Variants in PEX26 observed in about 807,000 individuals in gnomAD.
PEX26 encodes peroxisomal biogenesis factor 26.
PEX26 carries 18 observed loss-of-function variants against 31.4 expected under a neutral mutation model. That is an observed-to-expected ratio of 0.57 (90% CI 0.40 to 0.85). The LOEUF (loss-of-function observed/expected upper bound fraction) is 0.85. Ranked by LOEUF, PEX26 falls within the 40% of genes least tolerant of loss-of-function variation. PEX26 has a pLI of 0.00. For synonymous variants in PEX26, 176 were observed against 166.9 expected, an observed-to-expected ratio of 1.05 and a Z score of -0.42; for missense variants, 377 against 383.9, an observed-to-expected ratio of 0.98 and a Z score of 0.15.
In PEX26 at chr22:18,092,555, A is replaced by C. The variant is rs907718848; in HGVS notation, c.*4480A>C. 4 of 152,240 alleles carry C rather than the reference A, an allele frequency of 2.6e-5. No homozygotes were observed. Among genetic ancestry groups the C allele is most frequent in the African/African-American group, 9.6e-5 (4 of 41,474 alleles). The allele number at this position is 152,240 out of a possible 1,614,324, so 9.4% of individuals were successfully genotyped here. On this transcript the variant is annotated 3_prime_UTR_variant, in exon 5 of 5. Coordinates refer to ENST00000399744, the MANE Select transcript of PEX26 (RefSeq NM_001127649.3). ...TTTTAGAAAATATTAATTGCATAGA[A>C]GGAAATACAGGACTCGTGATCCCAC...
rs900234178 is a variant in PEX26 at position 18,098,315 on chromosome 22, A to G, written c.*10240A>G. ...ACTAATTTGCCCTATAACTTTGCAT[A>G]AGTCATTTAATCTCGGGTCCAATTT... On this transcript the variant is annotated 3_prime_UTR_variant, in exon 5 of 5. Transcript: ENST00000399744. 1 of 152,116 alleles carries G rather than the reference A, an allele frequency of 6.6e-6. No individual in the cohort carries two copies. The highest frequency in any genetic ancestry group is 1.5e-5 in the Non-Finnish European group (1 of 68,034). The allele number at this position is 152,116 out of a possible 1,614,324, so 9.4% of individuals were successfully genotyped here.
At chr22:18,080,399 T>C (rs946443477) in intron 2 of PEX26, among the ~76,000 whole-genome samples, 3 of 152,206 alleles carry the variant, frequency 2.0e-5, no homozygotes, top group Admixed American at 2.0e-4. Context: ...GCACAGTCTC[T>C]GCTCACTGCA....
Position 18,078,002 on chromosome 22 carries a change from G to A in PEX26, c.-375G>A, listed in dbSNP as rs752393777. ...CCGCCGGGACGCCGCGCGGCTGCGGGGCTGGGCGAGCGCAAAGATGTCCGC... is the reference window on the plus strand; with the variant it reads ...CCGCCGGGACGCCGCGCGGCTGCGGAGCTGGGCGAGCGCAAAGATGTCCGC... On this transcript the variant is annotated 5_prime_UTR_variant, in exon 1 of 5. Coordinates refer to ENST00000399744, the MANE Select transcript of PEX26 (RefSeq NM_001127649.3). 19 of 448,618 alleles carry A rather than the reference G, an allele frequency of 4.2e-5. No individual in the cohort carries two copies. The highest frequency in any genetic ancestry group is 7.9e-5 in the Non-Finnish European group (18 of 228,420). The allele number at this position is 448,618 out of a possible 1,614,324, so 27.8% of individuals were successfully genotyped here.
Position 18,081,243 on chromosome 22 carries a change from T to TACACACAC in PEX26, c.371+1230_371+1231insCACACACA, listed in dbSNP as rs1221829469. Among the ~76,000 whole-genome samples, 374 of 62,422 alleles carry TACACACAC rather than the reference T, an allele frequency of 6.0e-3. 2 individuals are homozygous for TACACACAC. Among genetic ancestry groups the TACACACAC allele is most frequent in the South Asian group, 0.016 (21 of 1,308 alleles). The allele number at this position is 62,422 out of a possible 152,430, so 41.0% of individuals were successfully genotyped here. ...CACATAATATACATATATGTACACA[T>TACACACAC]ATACACACACACACACACACACACA... On this transcript the variant is annotated intron_variant, in intron 2 of 4. Transcript: ENST00000399744.
intron 2 of PEX26, among the ~76,000 whole-genome samples, chr22:18,082,178 A>C (rs1452257913): frequency 3.4e-5 from 5 of 146,668 alleles, no homozygotes. Flanking sequence ...CTTCACTCTT[A>C]ATTGCTTCCT....
chr22:18,084,089 C>T (rs567064922), intron 3 of PEX26, among the ~76,000 whole-genome samples: 1 of 152,348 alleles, frequency 6.6e-6, no homozygotes, highest in South Asian at 2.1e-4. Context: ...ACAGACACAG[C>T]TGAGATCTGC....
In PEX26 at chr22:18,089,490, A is replaced by C. The variant is rs1246249496; in HGVS notation, c.*1415A>C. On this transcript the variant is annotated 3_prime_UTR_variant, in exon 5 of 5. Transcript: ENST00000399744. ...TCTCACCAGCCACAAGCATCTTATG[A>C]GTTTCTGTGCAAGGAAGCGTAGAGC... is the stretch of plus-strand genomic sequence containing the variant. 6.6e-6 allele frequency: 1 copy of C among 152,316 alleles called. No homozygotes were observed. Among genetic ancestry groups the C allele is most frequent in the Non-Finnish European group, 1.5e-5 (1 of 68,088 alleles). The allele number at this position is 152,316 out of a possible 1,614,324, so 9.4% of individuals were successfully genotyped here.
intron 2 of PEX26, among the ~76,000 whole-genome samples, chr22:18,080,322 T>TTTTGC (rs1478399162): frequency 2.6e-5 from 4 of 151,692 alleles, no homozygotes; most frequent in African/African-American, 7.3e-5. Flanking sequence ...AAAAATTTTG[T>TTTTGC]TTTGTTTTGT....
rs909510928 is a variant in PEX26 at position 18,094,524 on chromosome 22, G to A, written c.*6449G>A. 5.3e-5 allele frequency: 8 copies of A among 152,140 alleles called. No homozygotes were observed. Among genetic ancestry groups the A allele is most frequent in the African/African-American group, 1.9e-4 (8 of 41,422 alleles). The allele number at this position is 152,140 out of a possible 1,614,324, so 9.4% of individuals were successfully genotyped here. On this transcript the variant is annotated 3_prime_UTR_variant, in exon 5 of 5. Coordinates refer to ENST00000399744, the MANE Select transcript of PEX26 (RefSeq NM_001127649.3). ...GAGAGAAAAAAGCTTCTTTAATGAC[G>A]ACCTCAACATAATTTACATGGAGAA...
chr22:18,084,611 C>T (rs1283102497), intron 3 of PEX26, among the ~76,000 whole-genome samples: 1 of 151,828 alleles, frequency 6.6e-6, no homozygotes, highest in Non-Finnish European at 1.5e-5. Context: ...AATATATAGT[C>T]AAAATAAGTA....
Position 18,088,120 on chromosome 22 carries a change from C to A in PEX26, c.*45C>A. The A allele has an allele frequency of 7.6e-7, 1 of 1,308,504 alleles. No homozygotes were observed. The highest frequency in any genetic ancestry group is 1.1e-6 in the Non-Finnish European group (1 of 905,702). The allele number at this position is 1,308,504 out of a possible 1,614,324, so 81.1% of individuals were successfully genotyped here. A position where few individuals can be genotyped will look rare whatever the true frequency, so the allele number is the denominator to read the frequency against. ...CCTCTCTGCTCCTCACGTCCGTGGCCACAGAAGCAGAGCGACAGAGCGACA... is the reference window on the plus strand; with the variant it reads ...CCTCTCTGCTCCTCACGTCCGTGGCAACAGAAGCAGAGCGACAGAGCGACA... On this transcript the variant is annotated 3_prime_UTR_variant, in exon 5 of 5. Coordinates refer to ENST00000399744, the MANE Select transcript of PEX26 (RefSeq NM_001127649.3). This position sits in a 1 kb window ranked among gnomAD's most constrained non-coding sequence, Gnocchi z 4.1.
chr22:18,103,779 A>G lies in PEX26; in HGVS notation c.*15704A>G, dbSNP rs1044054688. 2.0e-5 allele frequency: 3 copies of G among 152,568 alleles called. No individual in the cohort carries two copies. Among genetic ancestry groups the G allele is most frequent in the Admixed American group, 2.0e-4 (3 of 15,258 alleles). 9.5% of individuals were successfully genotyped at this position (152,568 alleles called of 1,614,324 possible). A position where few individuals can be genotyped will look rare whatever the true frequency, so the allele number is the denominator to read the frequency against. ...GGAGGCTTCTTGGCCCAGCCCGGTC[A>G]ACACCCACATGCACCACCACCAACT... is the stretch of plus-strand genomic sequence containing the variant. On this transcript the variant is annotated 3_prime_UTR_variant, in exon 5 of 5. Coordinates refer to ENST00000399744, the MANE Select transcript of PEX26 (RefSeq NM_001127649.3).
chr22:18,084,362 A>G (rs1926750019), intron 3 of PEX26, among the ~76,000 whole-genome samples: 1 of 150,626 alleles, frequency 6.6e-6, no homozygotes, highest in Non-Finnish European at 1.5e-5. Flanking sequence ...CTCCTGCCTC[A>G]GCCTCCTGAG....
At chr22:18,080,996 CT>C (rs1028377315) in intron 2 of PEX26, among the ~76,000 whole-genome samples, 230 of 143,642 alleles carry the variant, frequency 1.6e-3, no homozygotes, top group Admixed American at 1.9e-3. Context: ...ATGATATCAA[CT>C]TTTTTTTTTT....
At position 18,096,062 on chromosome 22, in the gene PEX26, A is replaced by C. The variant is rs1927282427; in HGVS notation, c.*7987A>C. The stretch of plus-strand genomic sequence containing the variant: ...GGTCTTGAACTCTTGACCTCAAGTG[A>C]TCTGCATGCCTCACCTCCCAAAGTG... On this transcript the variant is annotated 3_prime_UTR_variant, in exon 5 of 5. Transcript: ENST00000399744. The C allele has an allele frequency of 6.6e-6, 1 of 152,218 alleles. No individual in the cohort carries two copies. The highest frequency in any genetic ancestry group is 2.4e-5 in the African/African-American group (1 of 41,430). The allele number at this position is 152,218 out of a possible 1,614,324, so 9.4% of individuals were successfully genotyped here.
rs1927108855 is a variant in PEX26 at position 18,091,773 on chromosome 22, T to C, written c.*3698T>C. On this transcript the variant is annotated 3_prime_UTR_variant, in exon 5 of 5. Coordinates refer to ENST00000399744, the MANE Select transcript of PEX26 (RefSeq NM_001127649.3). ...GACCTGGTGCCCTTTTCCTTTTTAATATGTGGAAACCCCTCCATGCTTTCC... is the reference window on the plus strand; with the variant it reads ...GACCTGGTGCCCTTTTCCTTTTTAACATGTGGAAACCCCTCCATGCTTTCC... 2.6e-5 allele frequency: 4 copies of C among 152,240 alleles called. No individual in the cohort carries two copies. The highest frequency in any genetic ancestry group is 3.8e-4 in the East Asian group (2 of 5,200). 9.4% of individuals were successfully genotyped at this position (152,240 alleles called of 1,614,324 possible).
At position 18,095,662 on chromosome 22, in the gene PEX26, T is replaced by A. The variant is rs1271661020; in HGVS notation, c.*7587T>A. On this transcript the variant is annotated 3_prime_UTR_variant, in exon 5 of 5. Coordinates refer to ENST00000399744, the MANE Select transcript of PEX26 (RefSeq NM_001127649.3). ...GGTGCTAAAGACAATGGCTAAAAGA[T>A]GTGCTCTATTAATCCTCCCAGGAAA... 6.6e-6 allele frequency: 1 copy of A among 151,712 alleles called. No homozygotes were observed. Among genetic ancestry groups the A allele is most frequent in the Non-Finnish European group, 1.5e-5 (1 of 68,030 alleles). 9.4% of individuals were successfully genotyped at this position (151,712 alleles called of 1,614,324 possible).
chr22:18,098,455 C>G lies in PEX26; in HGVS notation c.*10380C>G, dbSNP rs1257822566. 6.6e-6 allele frequency: 1 copy of G among 151,762 alleles called. No individual in the cohort carries two copies. The highest frequency in any genetic ancestry group is 1.5e-5 in the Non-Finnish European group (1 of 67,976). 9.4% of individuals were successfully genotyped at this position (151,762 alleles called of 1,614,324 possible). A position where few individuals can be genotyped will look rare whatever the true frequency, so the allele number is the denominator to read the frequency against. On this transcript the variant is annotated 3_prime_UTR_variant, in exon 5 of 5. Coordinates refer to ENST00000399744, the MANE Select transcript of PEX26 (RefSeq NM_001127649.3). ...ACCAGCCTGGCCAACATGATGAAAC[C>G]CCACCTCTACTAAAAATACAAAAAT...
intron 3 of PEX26, among the ~76,000 whole-genome samples, chr22:18,084,629 C>T (rs1005995498): frequency 1.6e-4 from 24 of 151,904 alleles, no homozygotes; most frequent in Admixed American, 9.2e-4. Flanking sequence ...GTAATAAACA[C>T]GAGGAAAACA....
Sources: allele counts gnomAD v4.1 joint callset (sites outside exome capture counted in the v4.1 genomes callset), GRCh38; gene constraint gnomAD v4.1.1; non-coding constraint Gnocchi (gnomAD v3.1); transcripts MANE v1.5; gene names NCBI Gene and HGNC (gene_info 2026-07-23, HGNC 2026-07-21).